The following GPC3 variants were observed in gnomAD, a reference collection of about 807,000 sequenced individuals.
The protein encoded by GPC3 is glypican-3.
Under a neutral mutation model 34.4 loss-of-function variants are expected in GPC3, and 3 were observed. The ratio of observed to expected loss-of-function variants is 0.09; its 90% confidence interval spans 0.04 to 0.23. The LOEUF (loss-of-function observed/expected upper bound fraction) is 0.23, where lower values mean the gene tolerates loss of function less well. Among genes scored for constraint, GPC3 ranks in the 10% least tolerant of loss-of-function variants. The pLI is 1.00. For synonymous variants in GPC3, 177 were observed against 174.0 expected (o/e 1.02, Z -0.13); for missense variants, 351 against 445.6 (o/e 0.79, Z 1.91).
At chrX:133,917,063 C>T (rs745343205) in intron 2 of GPC3, among the ~76,000 whole-genome samples, 22 of 111,847 alleles carry the variant, frequency 2.0e-4, no homozygotes, top group Non-Finnish European at 3.9e-4. Context: ...ATATTACCTA[C>T]GCTAAAGAGT....
chrX:133,867,089 T>G (rs1420028216), intron 2 of GPC3, among the ~76,000 whole-genome samples: 1 of 110,473 alleles, frequency 9.1e-6, no homozygotes, highest in Non-Finnish European at 1.9e-5. Context: ...TCCCAGCTAC[T>G]TGGGAGGCTG....
chrX:133,776,514 GA>G (rs1276275456), intron 2 of GPC3, among the ~76,000 whole-genome samples: 1 of 112,048 alleles, frequency 8.9e-6, no homozygotes, highest in African/African-American at 3.2e-5. Context: ...AAAATCAAGT[GA>G]AGAGCCTCTC....
intron 2 of GPC3, among the ~76,000 whole-genome samples, chrX:133,883,506 G>A (rs2076050690): frequency 8.9e-6 from 1 of 111,786 alleles, no homozygotes; most frequent in African/African-American, 3.2e-5. Flanking sequence ...TGGACTAAAG[G>A]ACACAGAATA....
chrX:133,580,001 G>T (rs779363096), intron 7 of GPC3, among the ~76,000 whole-genome samples: 6 of 112,682 alleles, frequency 5.3e-5, no homozygotes, highest in African/African-American at 1.9e-4. Flanking sequence ...GCCCAGGCAC[G>T]CCTGAAGGAA....
chrX:133,628,872 T>C (rs1400583241), intron 6 of GPC3, among the ~76,000 whole-genome samples: 1 of 111,393 alleles, frequency 9.0e-6, no homozygotes, highest in Non-Finnish European at 1.9e-5. Context: ...TGAAGCCATA[T>C]AATTCACAGT....
chrX:133,887,036 C>A (rs778549630), intron 2 of GPC3, among the ~76,000 whole-genome samples: 1 of 112,385 alleles, frequency 8.9e-6, no homozygotes, highest in African/African-American at 3.2e-5. Context: ...AACAGGGTCT[C>A]AGCTCTGTTG....
chrX:133,752,013 GC>G (rs1257476916), intron 3 of GPC3, among the ~76,000 whole-genome samples: 1 of 110,752 alleles, frequency 9.0e-6, no homozygotes, highest in African/African-American at 3.3e-5. Flanking sequence ...ATGCCACCAT[GC>G]CTGGCTAATT....
intron 2 of GPC3, among the ~76,000 whole-genome samples, chrX:133,882,567 C>T (rs1387616982): frequency 9.3e-6 from 1 of 107,656 alleles, no homozygotes; most frequent in Non-Finnish European, 1.9e-5. Flanking sequence ...GTGGCTTAAC[C>T]TTGAGTTGAA....
chrX:133,618,508 A>C (rs978587877), intron 6 of GPC3, among the ~76,000 whole-genome samples: 1 of 110,819 alleles, frequency 9.0e-6, no homozygotes, highest in East Asian at 2.8e-4. Flanking sequence ...ATCCCTATCT[A>C]ATACCATATA....
chrX:133,873,809 A>G (rs2076004487), intron 2 of GPC3, among the ~76,000 whole-genome samples: 2 of 111,815 alleles, frequency 1.8e-5, no homozygotes, highest in Non-Finnish European at 3.8e-5. Flanking sequence ...TATGGGAAAC[A>G]GCTGGTTTAA....
At chrX:133,633,408 C>T (rs1264556490) in intron 6 of GPC3, among the ~76,000 whole-genome samples, 1 of 112,107 alleles carries the variant, frequency 8.9e-6, no homozygotes, top group Non-Finnish European at 1.9e-5. Flanking sequence ...GCCATTTACT[C>T]AGGTATGGGA....
At chrX:133,924,678 T>C (rs1304469136) in intron 2 of GPC3, among the ~76,000 whole-genome samples, 1 of 112,091 alleles carries the variant, frequency 8.9e-6, no homozygotes, top group East Asian at 2.8e-4. Context: ...ATTACCACCA[T>C]TCTAATCACA....
At chrX:133,566,612 T>C (rs370261838) in intron 7 of GPC3, among the ~76,000 whole-genome samples, 7 of 112,127 alleles carry the variant, frequency 6.2e-5, no homozygotes, top group South Asian at 3.8e-4. Context: ...GAGTATCACA[T>C]TGAACATAAC....
chrX:133,759,916 C>T (rs1221207628), intron 2 of GPC3, among the ~76,000 whole-genome samples: 1 of 111,541 alleles, frequency 9.0e-6, no homozygotes, highest in East Asian at 2.8e-4. Context: ...ATCCAAAACA[C>T]TCAAAGAACA....
At chrX:133,812,692 C>T (rs1029120615) in intron 2 of GPC3, among the ~76,000 whole-genome samples, 1 of 112,322 alleles carries the variant, frequency 8.9e-6, no homozygotes, top group Non-Finnish European at 1.9e-5. Flanking sequence ...TGCCTGTTTT[C>T]TTAAAAGGAG....
intron 4 of GPC3, among the ~76,000 whole-genome samples, chrX:133,698,131 A>T (rs745461001): frequency 1.6e-4 from 18 of 112,147 alleles, no homozygotes; most frequent in Non-Finnish European, 2.4e-4. Flanking sequence ...ACCAAACAGT[A>T]TATTGTGGCA....
intron 2 of GPC3, among the ~76,000 whole-genome samples, chrX:133,827,944 C>CAAAAAA (rs760699432): frequency 2.8e-4 from 10 of 36,019 alleles, no homozygotes; most frequent in East Asian, 1.0e-3. Context: ...AACTCCATCC[C>CAAAAAA]AAAAAAAAAA....
At position 133,635,001 on chromosome X, in the gene GPC3, T is replaced by TC. The variant is rs145370792; in HGVS notation, c.1413+26728dup. On this transcript the variant is annotated intron_variant, in intron 6 of 7. Transcript: ENST00000370818. ...AGCCAGCAGTACCTTACCAGACTCC[T>TC]CCCCTGTCCTAGCATTCAACCACCT... Among the ~76,000 whole-genome samples, 407 of 111,080 alleles carry TC rather than the reference T, an allele frequency of 3.7e-3. 3 individuals carry two copies. Among genetic ancestry groups the TC allele is most frequent in the Non-Finnish European group, 5.8e-3 (310 of 53,040 alleles).
intron 3 of GPC3, among the ~76,000 whole-genome samples, chrX:133,714,455 A>G (rs1222499304): frequency 9.0e-6 from 1 of 111,427 alleles, no homozygotes; most frequent in Non-Finnish European, 1.9e-5. Context: ...AGCAAATAAC[A>G]ATAGATATAA....
Sources: gnomAD v4.1 joint callset for allele counts (sites outside exome capture counted in the v4.1 genomes callset) on GRCh38, gnomAD v4.1.1 for gene constraint, MANE v1.5 for transcripts, NCBI Gene and HGNC (gene_info 2026-07-23, HGNC 2026-07-21) for gene names.